ST6GALNAC3: variants seen among roughly 807,000 people sequenced by gnomAD.
The protein encoded by ST6GALNAC3 is alpha-N-acetylgalactosaminide alpha-2,6-sialyltransferase 3.
ST6GALNAC3 carries 25 observed loss-of-function variants against 32.7 expected under a neutral mutation model. The ratio of observed to expected loss-of-function variants is 0.76; its 90% CI spans 0.56 to 1.07. ST6GALNAC3 has a LOEUF of 1.07. Among genes scored for constraint, ST6GALNAC3 ranks in the 50% least tolerant of loss-of-function variants. ST6GALNAC3 has a pLI of 0.00. For synonymous variants in ST6GALNAC3, 129 were observed against 133.1 expected (o/e 0.97, Z 0.21); for missense variants, 355 against 382.4 (o/e 0.93, Z 0.60).
At chr1:76,190,112 A>C (rs1025665345) in intron 1 of ST6GALNAC3, among the ~76,000 whole-genome samples, 15 of 152,176 alleles carry the variant, frequency 9.9e-5, no homozygotes, top group African/African-American at 3.1e-4. Flanking sequence ...AAACGAAAAT[A>C]ATGTAGTATG....
chr1:76,159,111 T>A (rs772625067), intron 1 of ST6GALNAC3, among the ~76,000 whole-genome samples: 73 of 152,072 alleles, frequency 4.8e-4, no homozygotes, highest in Non-Finnish European at 9.6e-4. Context: ...GGACAGAGGA[T>A]GGAGGTGAAG....
intron 1 of ST6GALNAC3, among the ~76,000 whole-genome samples, chr1:76,136,337 A>G (rs992125059): frequency 1.3e-5 from 2 of 152,224 alleles, no homozygotes; most frequent in Non-Finnish European, 2.9e-5. Flanking sequence ...ACAGCTTACA[A>G]ATAAATGCAT....
At position 76,361,450 on chromosome 1, in the gene ST6GALNAC3, C is replaced by A. The variant is rs373249834; in HGVS notation, c.213+47451C>A. 4.3e-4 allele frequency among the ~76,000 whole-genome samples: 66 copies of A among 152,258 alleles called. No homozygotes were observed. In the East Asian group the frequency reaches 4.4e-3, roughly 10 times the overall value. ...TATAATATTCCATTTTACATATATA[C>A]CACATTTTGTTTAACCATTCATCTG... is the stretch of plus-strand genomic sequence containing the variant. On this transcript the variant is annotated intron_variant, in intron 2 of 4. Transcript: ENST00000328299.
chr1:76,582,369 G>T lies in ST6GALNAC3; in HGVS notation c.624-45083G>T, dbSNP rs72991859. 6.0e-3 allele frequency among the ~76,000 whole-genome samples: 918 copies of T among 152,258 alleles called. 4 individuals are homozygous for T. Among genetic ancestry groups the T allele is most frequent in the African/African-American group, 0.021 (871 of 41,550 alleles). On this transcript the variant is annotated intron_variant, in intron 3 of 4. Coordinates refer to ENST00000328299, the MANE Select transcript of ST6GALNAC3 (RefSeq NM_152996.4). ...GGTTCTGAGACAGAGCATCTGAAAAGCAAGCATTCCAAGAAATCAGGTGGA... is the reference window on the plus strand; with the variant it reads ...GGTTCTGAGACAGAGCATCTGAAAATCAAGCATTCCAAGAAATCAGGTGGA...
intron 1 of ST6GALNAC3, among the ~76,000 whole-genome samples, chr1:76,293,382 A>G (rs1238467536): frequency 6.6e-6 from 1 of 152,206 alleles, no homozygotes; most frequent in Non-Finnish European, 1.5e-5. Flanking sequence ...GCATTGATCT[A>G]TCACCTTATG....
rs74377891 is a variant in ST6GALNAC3 at position 76,375,290 on chromosome 1, C to G, written c.214-36718C>G. Among the ~76,000 whole-genome samples, 3 of 152,112 alleles carry G rather than the reference C, an allele frequency of 2.0e-5. No individual in the cohort carries two copies. The East Asian group carries it at 5.8e-4, about 29-fold the overall frequency. On this transcript the variant is annotated intron_variant, in intron 2 of 4. Transcript: ENST00000328299. ...AATGGGGTTGTAAGAAAAATTATTTCCTCATTCAAGGAGGACAAATTATAA... is the reference window on the plus strand; with the variant it reads ...AATGGGGTTGTAAGAAAAATTATTTGCTCATTCAAGGAGGACAAATTATAA...
At position 76,625,558 on chromosome 1, in the gene ST6GALNAC3, A is replaced by G. The variant is rs961252689; in HGVS notation, c.624-1894A>G. On this transcript the variant is annotated intron_variant, in intron 3 of 4. Coordinates refer to ENST00000328299, the MANE Select transcript of ST6GALNAC3 (RefSeq NM_152996.4). Reference sequence around the variant, plus strand: ...TACATAGACAAAATATTTAGATTCAATTTGGGAGCATTTTGTCAAGACTCT... The same window carrying G: ...TACATAGACAAAATATTTAGATTCAGTTTGGGAGCATTTTGTCAAGACTCT... 7.9e-5 allele frequency among the ~76,000 whole-genome samples: 12 copies of G among 152,026 alleles called. No individual in the cohort carries two copies. The South Asian group carries it at 1.2e-3, about 16-fold the overall frequency.
At chr1:76,214,033 G>T (rs1248008695) in intron 1 of ST6GALNAC3, among the ~76,000 whole-genome samples, 1 of 152,088 alleles carries the variant, frequency 6.6e-6, no homozygotes, top group African/African-American at 2.4e-5. Flanking sequence ...AAAAAGCAAA[G>T]GCTATAAGGA....
At chr1:76,566,456 G>C (rs1192477092) in intron 3 of ST6GALNAC3, among the ~76,000 whole-genome samples, 1 of 152,082 alleles carries the variant, frequency 6.6e-6, no homozygotes, top group Non-Finnish European at 1.5e-5. Context: ...TGGCCCTGCA[G>C]GTTCCTCATC....
chr1:76,570,142 T>C (rs72991833), intron 3 of ST6GALNAC3, among the ~76,000 whole-genome samples: 1,755 of 152,282 alleles, frequency 0.012, 27 homozygotes, highest in African/African-American at 0.037. Context: ...CATTTCTGAA[T>C]AGTGTGCACT....
At chr1:76,610,602 A>C (rs1204122738) in intron 3 of ST6GALNAC3, among the ~76,000 whole-genome samples, 2 of 152,118 alleles carry the variant, frequency 1.3e-5, no homozygotes, top group Non-Finnish European at 2.9e-5. Flanking sequence ...GAATCCCAAG[A>C]AGAGGTGAAA....
chr1:76,580,110 G>C (rs555459459), intron 3 of ST6GALNAC3, among the ~76,000 whole-genome samples: 1 of 152,118 alleles, frequency 6.6e-6, no homozygotes, highest in Admixed American at 6.6e-5. Context: ...ATTATCATTA[G>C]TTCCCTACAG....
intron 1 of ST6GALNAC3, among the ~76,000 whole-genome samples, chr1:76,269,588 T>G (rs1403838853): frequency 6.6e-6 from 1 of 152,260 alleles, no homozygotes; most frequent in Non-Finnish European, 1.5e-5. Flanking sequence ...ATATTCAGTT[T>G]GTGCACCACC....
chr1:76,409,641 GGGCTGACATGGGAAA>G (rs1654078654), intron 2 of ST6GALNAC3, among the ~76,000 whole-genome samples: 1 of 151,970 alleles, frequency 6.6e-6, no homozygotes, highest in African/African-American at 2.4e-5. Flanking sequence ...CTATCTCTAA[GGGCTGACATGGGAAA>G]GGCTGATGAT....
intron 2 of ST6GALNAC3, among the ~76,000 whole-genome samples, chr1:76,359,381 CCCTAAACCAATAAGACTT>C (rs1288471815): frequency 1.3e-5 from 2 of 151,972 alleles, no homozygotes; most frequent in Non-Finnish European, 2.9e-5. Context: ...CAGAGTGAGC[CCCTAAACCAATAAGACTT>C]GTGTCCTTAT....
intron 1 of ST6GALNAC3, among the ~76,000 whole-genome samples, chr1:76,266,582 C>A (rs529729504): frequency 6.6e-6 from 1 of 152,168 alleles, no homozygotes; most frequent in Non-Finnish European, 1.5e-5. Context: ...GAGGATGGAA[C>A]TTGATCTCTA....
At chr1:76,207,883 A>G (rs893315396) in intron 1 of ST6GALNAC3, among the ~76,000 whole-genome samples, 2 of 152,196 alleles carry the variant, frequency 1.3e-5, no homozygotes, top group African/African-American at 4.8e-5. Flanking sequence ...TTCACCTTAC[A>G]TGCTCCAATG....
chr1:76,423,696 T>C (rs888524625), intron 3 of ST6GALNAC3, among the ~76,000 whole-genome samples: 9 of 152,034 alleles, frequency 5.9e-5, no homozygotes, highest in Non-Finnish European at 8.8e-5. Flanking sequence ...AGATAACTCA[T>C]GCAAAGGCAC....
At position 76,570,582 on chromosome 1, in the gene ST6GALNAC3, T is replaced by C. The variant is rs138148112; in HGVS notation, c.624-56870T>C. On this transcript the variant is annotated intron_variant, in intron 3 of 4. Coordinates refer to ENST00000328299, the MANE Select transcript of ST6GALNAC3 (RefSeq NM_152996.4). ...TTCTCCCTAAATTTTCACTTACTTC[T>C]AACTCAAACAGTTGATTCTTTATAC... Among the ~76,000 whole-genome samples, 214 of 152,266 alleles carry C rather than the reference T, an allele frequency of 1.4e-3. 1 individual carries two copies. The highest frequency in any genetic ancestry group is 3.4e-3 in the Middle Eastern group (1 of 294).
Sources: gnomAD v4.1 joint callset for allele counts (sites outside exome capture counted in the v4.1 genomes callset) on GRCh38, gnomAD v4.1.1 for gene constraint, MANE v1.5 for transcripts, NCBI Gene and HGNC (gene_info 2026-07-23, HGNC 2026-07-21) for gene names.